Variants in CAMKMT observed in about 807,000 individuals in gnomAD.
CAMKMT encodes CaM KMT.
A neutral mutation model predicts 48.0 loss-of-function variants in CAMKMT; 53 were observed. The observed-to-expected ratio is 1.10, with a 90% CI of 0.89 to 1.39. The LOEUF is 1.39. Among genes scored for constraint, CAMKMT ranks in the 40% most tolerant of loss-of-function variants. The probability of loss-of-function intolerance (pLI) is 0.00; values close to 1 mark genes in which losing one functional copy is unlikely to be tolerated. For missense variants in CAMKMT, 428 were observed against 402.7 expected, an observed-to-expected ratio of 1.06 and a Z score of -0.54; for synonymous variants, 165 against 152.3, an observed-to-expected ratio of 1.08 and a Z score of -0.61.
At chr2:44,651,398 T>G (rs1674056801) in intron 3 of CAMKMT, among the ~76,000 whole-genome samples, 1 of 152,224 alleles carries the variant, frequency 6.6e-6, no homozygotes, top group Admixed American at 6.5e-5. Flanking sequence ...GTTGCATGTT[T>G]TTTAGCCAGA....
chr2:44,741,482 C>A (rs1364171085), intron 7 of CAMKMT, among the ~76,000 whole-genome samples: 1 of 152,228 alleles, frequency 6.6e-6, no homozygotes, highest in East Asian at 1.9e-4. Context: ...TTATCCCCAT[C>A]TTACAGATCA....
intron 7 of CAMKMT, among the ~76,000 whole-genome samples, chr2:44,726,042 T>A (rs1379054956): frequency 2.6e-5 from 4 of 152,200 alleles, no homozygotes; most frequent in Admixed American, 2.6e-4. Flanking sequence ...TTTATATCCA[T>A]GTGTGCTCAA....
At chr2:44,525,792 G>C (rs6709069) in intron 3 of CAMKMT, among the ~76,000 whole-genome samples, 79,223 of 151,844 alleles carry the variant, frequency 0.52, 21,440 homozygotes, top group Non-Finnish European at 0.59. Flanking sequence ...ATTCAAATCT[G>C]GATCTATCAG....
At chr2:44,398,060 T>C (rs1682021296) in intron 3 of CAMKMT, among the ~76,000 whole-genome samples, 1 of 152,218 alleles carries the variant, frequency 6.6e-6, no homozygotes, top group African/African-American at 2.4e-5. Context: ...CCTTTGTCTG[T>C]CTTTTAAATA....
chr2:44,574,525 G>A (rs1355298157), intron 3 of CAMKMT, among the ~76,000 whole-genome samples: 1 of 151,960 alleles, frequency 6.6e-6, no homozygotes. Flanking sequence ...GAAATCCTTT[G>A]TCTTCTCTAG....
At chr2:44,625,022 C>T (rs1415803971) in intron 3 of CAMKMT, among the ~76,000 whole-genome samples, 1 of 152,172 alleles carries the variant, frequency 6.6e-6, no homozygotes, top group Non-Finnish European at 1.5e-5. Flanking sequence ...GCCGGAATGG[C>T]TGGGTTTTAT....
intron 3 of CAMKMT, among the ~76,000 whole-genome samples, chr2:44,623,559 C>A (rs1672312147): frequency 6.6e-6 from 1 of 152,236 alleles, no homozygotes; most frequent in South Asian, 2.1e-4. Flanking sequence ...GCCTGTTACC[C>A]CAGCACCATT....
intron 3 of CAMKMT, among the ~76,000 whole-genome samples, chr2:44,528,450 A>G (rs1666289762): frequency 6.6e-6 from 1 of 152,092 alleles, no homozygotes; most frequent in Admixed American, 6.6e-5. Flanking sequence ...CCTTAACTGC[A>G]TTATTTCAAA....
At chr2:44,560,300 G>T (rs1032414546) in intron 3 of CAMKMT, among the ~76,000 whole-genome samples, 1 of 152,136 alleles carries the variant, frequency 6.6e-6, no homozygotes, top group Non-Finnish European at 1.5e-5. Context: ...TTTTCTTTTA[G>T]AGATAAGGTC....
At chr2:44,398,051 C>A (rs980444890) in intron 3 of CAMKMT, among the ~76,000 whole-genome samples, 1 of 152,106 alleles carries the variant, frequency 6.6e-6, no homozygotes, top group Non-Finnish European at 1.5e-5. Flanking sequence ...AGTAGTTTTC[C>A]TTTGTCTGTC....
intron 7 of CAMKMT, among the ~76,000 whole-genome samples, chr2:44,734,877 GTTGT>G (rs1209462351): frequency 6.6e-6 from 1 of 152,078 alleles, no homozygotes; most frequent in African/African-American, 2.4e-5. Context: ...TATTGATAGT[GTTGT>G]TTAAGTCATC....
intron 3 of CAMKMT, among the ~76,000 whole-genome samples, chr2:44,695,289 A>G (rs992086275): frequency 2.0e-5 from 3 of 152,188 alleles, no homozygotes; most frequent in Non-Finnish European, 2.9e-5. Context: ...CCATAGTACT[A>G]TAATATTATT....
intron 2 of CAMKMT, among the ~76,000 whole-genome samples, chr2:44,376,358 T>C (rs1042600063): frequency 6.6e-6 from 1 of 151,160 alleles, no homozygotes; most frequent in East Asian, 1.9e-4. Flanking sequence ...GAGGTGGAGG[T>C]TGCAGTCAGA....
chr2:44,580,951 A>T (rs1669524253), intron 3 of CAMKMT, among the ~76,000 whole-genome samples: 1 of 152,088 alleles, frequency 6.6e-6, no homozygotes, highest in South Asian at 2.1e-4. Flanking sequence ...TTGCCTGTTG[A>T]CCTGGACCCT....
intron 1 of CAMKMT, among the ~76,000 whole-genome samples, chr2:44,367,532 G>A (rs1678730187): frequency 6.6e-6 from 1 of 152,118 alleles, no homozygotes. Context: ...TTCTCTTTAT[G>A]TTTTGCAAAT....
chr2:44,515,927 A>G (rs533733246), intron 3 of CAMKMT, among the ~76,000 whole-genome samples: 4 of 152,330 alleles, frequency 2.6e-5, no homozygotes, highest in East Asian at 1.9e-4. Context: ...AGTTGCATCT[A>G]TTTATGAGAA....
intron 3 of CAMKMT, among the ~76,000 whole-genome samples, chr2:44,693,159 C>G (rs1353676347): frequency 7.2e-5 from 11 of 152,188 alleles, no homozygotes; most frequent in Non-Finnish European, 1.5e-4. Flanking sequence ...GTAGTAGCCT[C>G]CTGCCTAGTT....
intron 1 of CAMKMT, among the ~76,000 whole-genome samples, chr2:44,364,261 C>T (rs1182333948): frequency 6.6e-6 from 1 of 152,144 alleles, no homozygotes; most frequent in African/African-American, 2.4e-5. Flanking sequence ...AGTCCCCACA[C>T]GTTCTGACAT....
intron 3 of CAMKMT, among the ~76,000 whole-genome samples, chr2:44,689,952 G>A (rs1283993460): frequency 6.6e-6 from 1 of 152,210 alleles, no homozygotes; most frequent in Non-Finnish European, 1.5e-5. Flanking sequence ...GATGTTTTCT[G>A]TTATTAATAT....
Sources: gnomAD v4.1 joint callset for allele counts (sites outside exome capture counted in the v4.1 genomes callset) on GRCh38, gnomAD v4.1.1 for gene constraint, MANE v1.5 for transcripts, NCBI Gene and HGNC (gene_info 2026-07-23, HGNC 2026-07-21) for gene names.